GABRA1: variants seen among roughly 807,000 people sequenced by gnomAD.
The protein encoded by GABRA1 is gamma-aminobutyric acid receptor subunit alpha-1.
GABRA1 carries 9 observed loss-of-function variants against 48.9 expected under a neutral mutation model. The ratio of observed to expected loss-of-function variants is 0.18; its 90% CI spans 0.11 to 0.32. GABRA1 has a LOEUF of 0.32. GABRA1 is among the 10% of genes least tolerant of loss of function. GABRA1 has a pLI of 1.00. For synonymous variants in GABRA1, 210 were observed against 198.7 expected (o/e 1.06, Z -0.48); for missense variants, 285 against 553.8 (o/e 0.51, Z 4.87).
In GABRA1 at chr5:161,899,335, A is replaced by T. The variant is rs1755513851; in HGVS notation, c.*1913A>T. On this transcript the variant is annotated 3_prime_UTR_variant, in exon 10 of 10. Transcript: ENST00000393943. ...TCACAAGCTAGGCCAATGAAGGCTG[A>T]ATCAAAGACATTTCATCCACCAATA... is the stretch of plus-strand genomic sequence containing the variant. The T allele has an allele frequency of 6.6e-6, 1 of 152,640 alleles. No homozygotes were observed. The highest frequency in any genetic ancestry group is 2.4e-5 in the African/African-American group (1 of 41,476). The allele number at this position is 152,640 out of a possible 1,614,324, so 9.5% of individuals were successfully genotyped here.
In GABRA1 at chr5:161,898,857, T is replaced by C. The variant is rs1755492382; in HGVS notation, c.*1435T>C. On this transcript the variant is annotated 3_prime_UTR_variant, in exon 10 of 10. Transcript: ENST00000393943. ...TAAATATAAAATACATAAAAGAATG[T>C]ACAGAAAATAGCTTTTATTGAGTAA... 1 of 152,576 alleles carries C rather than the reference T, an allele frequency of 6.6e-6. No individual in the cohort carries two copies. The highest frequency in any genetic ancestry group is 2.1e-4 in the South Asian group (1 of 4,832). 9.5% of individuals were successfully genotyped at this position (152,576 alleles called of 1,614,324 possible).
intron 6 of GABRA1, among the ~76,000 whole-genome samples, chr5:161,880,657 A>G (rs370878216): frequency 7.9e-5 from 12 of 152,286 alleles, no homozygotes; most frequent in Middle Eastern, 6.8e-3. Flanking sequence ...AAATTGATGC[A>G]GAAGTGATAT....
chr5:161,886,718 A>G (rs945260683), intron 7 of GABRA1, among the ~76,000 whole-genome samples: 10 of 151,638 alleles, frequency 6.6e-5, no homozygotes, highest in African/African-American at 2.4e-4. Flanking sequence ...TAGAAGCTTC[A>G]CTGAGTCGAG....
At chr5:161,888,444 C>A (rs1371190251) in intron 7 of GABRA1, among the ~76,000 whole-genome samples, 2 of 152,010 alleles carry the variant, frequency 1.3e-5, no homozygotes, top group African/African-American at 4.8e-5. Flanking sequence ...GTTTATAAAA[C>A]AAATATAATG....
intron 5 of GABRA1, among the ~76,000 whole-genome samples, chr5:161,874,568 G>A (rs910238126): frequency 2.0e-5 from 3 of 152,064 alleles, no homozygotes; most frequent in Non-Finnish European, 2.9e-5. Flanking sequence ...AATGGTTTCT[G>A]ATGTATACAG....
At chr5:161,867,554 T>G (rs1366097357) in intron 4 of GABRA1, among the ~76,000 whole-genome samples, 1 of 152,124 alleles carries the variant, frequency 6.6e-6, no homozygotes, top group Non-Finnish European at 1.5e-5. Context: ...TATATTATTA[T>G]AGTTGCCTAT....
intron 9 of GABRA1, among the ~76,000 whole-genome samples, 194 bp from the exon 10 acceptor site, chr5:161,896,917 T>A (rs955800466): frequency 6.6e-6 from 1 of 152,206 alleles, no homozygotes; most frequent in Admixed American, 6.5e-5. Context: ...GTGTTGTACT[T>A]CTTGATGGCA....
chr5:161,897,035 G>T, intron 9 of GABRA1, 76 bp from the exon 10 acceptor site: 1 of 1,359,088 alleles, frequency 7.4e-7, no homozygotes, highest in Non-Finnish European at 1.1e-6. Context: ...CAAAATAAGG[G>T]CCACCTTGCT....
chr5:161,887,355 T>C (rs1754895051), intron 7 of GABRA1, among the ~76,000 whole-genome samples: 1 of 152,116 alleles, frequency 6.6e-6, no homozygotes, highest in Non-Finnish European at 1.5e-5. Flanking sequence ...GTGATCATCA[T>C]TCATCCAAAG....
intron 2 of GABRA1, 23 bp downstream of exon 2, chr5:161,850,907 C>G: frequency 6.3e-7 from 1 of 1,592,880 alleles, no homozygotes; most frequent in Non-Finnish European, 8.6e-7. Flanking sequence ...TTTTAAAAAT[C>G]TGCATGAAAA....
Position 161,895,651 on chromosome 5 carries a change from T to C in GABRA1, c.857-15T>C, listed in dbSNP as rs767374305. ...TATGAACTGGCATCATGTATGTTTT[T>C]TTTTTTCTTTACAGGAGTAACAACT... On this transcript the variant is annotated splice_polypyrimidine_tract_variant and intron_variant, in intron 8 of 9. Coordinates refer to ENST00000393943, the MANE Select transcript of GABRA1 (RefSeq NM_001127644.2). 1.2e-6 allele frequency: 2 copies of C among 1,610,942 alleles called. No individual in the cohort carries two copies. Among genetic ancestry groups the C allele is most frequent in the Non-Finnish European group, 1.7e-6 (2 of 1,177,726 alleles).
At chr5:161,884,260 T>G (rs553767327) in intron 7 of GABRA1, among the ~76,000 whole-genome samples, 2 of 152,274 alleles carry the variant, frequency 1.3e-5, no homozygotes, top group Admixed American at 6.5e-5. Context: ...CTGTGTTTAC[T>G]TTTTAAAACT....
chr5:161,857,160 A>G (rs977915911), intron 3 of GABRA1, among the ~76,000 whole-genome samples: 11 of 151,400 alleles, frequency 7.3e-5, no homozygotes, highest in African/African-American at 2.4e-4. Flanking sequence ...TTTTATGATC[A>G]CAGCTAGGAT....
intron 3 of GABRA1, among the ~76,000 whole-genome samples, chr5:161,859,210 CAT>C (rs1272979817): frequency 6.6e-6 from 1 of 151,716 alleles, no homozygotes; most frequent in Non-Finnish European, 1.5e-5. Context: ...TTAACAGTAA[CAT>C]ATTATTTTAC....
At chr5:161,850,599 A>G (rs1031471855) in intron 1 of GABRA1, 197 bp from the exon 2 acceptor site, 3 of 612,144 alleles carry the variant, frequency 4.9e-6, no homozygotes, top group Non-Finnish European at 8.8e-6. Context: ...ACACTGATAT[A>G]TTTCTGAATG....
At chr5:161,883,092 C>A (rs945600030) in intron 7 of GABRA1, among the ~76,000 whole-genome samples, 2 of 152,146 alleles carry the variant, frequency 1.3e-5, no homozygotes, top group African/African-American at 4.8e-5. Context: ...TATCACAATT[C>A]CTGACCCATC....
intron 6 of GABRA1, among the ~76,000 whole-genome samples, chr5:161,876,896 G>A (rs973176132): frequency 1.4e-4 from 21 of 152,064 alleles, no homozygotes; most frequent in East Asian, 5.8e-4. Flanking sequence ...ATCATACGCC[G>A]TAGTTTGCCT....
At chr5:161,854,064 C>T (rs1270894598) in intron 2 of GABRA1, 94 bp from the exon 3 acceptor site, 4 of 663,328 alleles carry the variant, frequency 6.0e-6, no homozygotes, top group Non-Finnish European at 1.1e-5. Context: ...TCAGTAGAAA[C>T]CAAAGTAGAA....
chr5:161,860,213 C>A (rs1166352160), intron 3 of GABRA1, among the ~76,000 whole-genome samples: 1 of 151,732 alleles, frequency 6.6e-6, no homozygotes, highest in Non-Finnish European at 1.5e-5. Context: ...ACTGAGCTAC[C>A]CAAAGGAATG....
Sources: gnomAD v4.1 joint callset for allele counts (sites outside exome capture counted in the v4.1 genomes callset) on GRCh38, gnomAD v4.1.1 for gene constraint, MANE v1.5 for transcripts, NCBI Gene and HGNC (gene_info 2026-07-23, HGNC 2026-07-21) for gene names.